The following PREX1 variants were observed in gnomAD, a reference collection of about 807,000 sequenced individuals.
PREX1 encodes phosphatidylinositol-3,4,5-trisphosphate dependent Rac exchange factor 1.
PREX1 carries 41 observed loss-of-function variants against 198.3 expected under a neutral mutation model. That is an observed-to-expected ratio of 0.21 (90% confidence interval 0.16 to 0.27). The LOEUF is 0.27. Ranked by LOEUF, PREX1 falls within the 10% of genes least tolerant of loss-of-function variation. The pLI, the probability that PREX1 is intolerant of heterozygous loss-of-function variation, is 1.00. For synonymous variants in PREX1, 843 were observed against 887.2 expected, an observed-to-expected ratio of 0.95 and a Z score of 0.89; for missense variants, 1,620 against 2,200.7, an observed-to-expected ratio of 0.74 and a Z score of 5.28.
chr20:48,670,559 AG>A (rs2089668773), intron 14 of PREX1, among the ~76,000 whole-genome samples: 1 of 152,190 alleles, frequency 6.6e-6, no homozygotes, highest in East Asian at 1.9e-4. Flanking sequence ...GAAATCACCC[AG>A]TGGAGAGGTG....
chr20:48,803,082 T>C (rs2090394773), intron 1 of PREX1, among the ~76,000 whole-genome samples: 1 of 152,200 alleles, frequency 6.6e-6, no homozygotes, highest in African/African-American at 2.4e-5. Context: ...GGAACTAGGT[T>C]TGCAGGTAGT....
the PREX1 span, among the ~76,000 whole-genome samples, chr20:48,833,988 G>A: frequency 9.9e-5 from 15 of 152,128 alleles, no homozygotes; most frequent in South Asian, 1.0e-3. Context: ...AAGCTGAGGC[G>A]GAGAATGGCG....
At chr20:48,698,535 G>A (rs946079953) in intron 7 of PREX1, among the ~76,000 whole-genome samples, 6 of 152,146 alleles carry the variant, frequency 3.9e-5, no homozygotes, top group Non-Finnish European at 8.8e-5. Flanking sequence ...GGAAAGAGAA[G>A]AAGGGGGCGT....
At chr20:48,771,167 G>A (rs2090233843) in intron 1 of PREX1, among the ~76,000 whole-genome samples, 1 of 151,806 alleles carries the variant, frequency 6.6e-6, no homozygotes, top group South Asian at 2.1e-4. Flanking sequence ...ATCACCGGTT[G>A]CACATAATTT....
chr20:48,862,669 AG>A, the PREX1 span, among the ~76,000 whole-genome samples: 1 of 151,538 alleles, frequency 6.6e-6, no homozygotes, highest in Non-Finnish European at 1.5e-5. Flanking sequence ...TAAAAATCAA[AG>A]CACACATTAA....
chr20:48,811,089 G>A (rs533750358), intron 1 of PREX1, among the ~76,000 whole-genome samples: 25 of 152,224 alleles, frequency 1.6e-4, no homozygotes, highest in African/African-American at 5.8e-4. Context: ...AGAAGAGCAA[G>A]TGACACATCT....
rs980567536 is a variant in PREX1 at position 48,723,545 on chromosome 20, C to G, written c.621+2745G>C. On this transcript the variant is annotated intron_variant, in intron 5 of 39. Transcript: ENST00000371941. ...GCTTGTTCTCTCCCAAACAGCACCC[C>G]CCACCCCACAATCTCCTACTTGATA... is the stretch of plus-strand genomic sequence containing the variant. Among the ~76,000 whole-genome samples the G allele has an allele frequency of 8.5e-5, 13 of 152,308 alleles. No individual in the cohort carries two copies. The South Asian group carries it at 2.3e-3, about 27-fold the overall frequency.
chr20:48,650,846 C>A, intron 23 of PREX1, 48 bp downstream of exon 23: 1 of 1,596,578 alleles, frequency 6.3e-7, no homozygotes, highest in Non-Finnish European at 8.5e-7. Flanking sequence ...GGCTGAGATG[C>A]TATGTCTGGG....
At chr20:48,835,256 A>G in the PREX1 span, among the ~76,000 whole-genome samples, 1 of 152,236 alleles carries the variant, frequency 6.6e-6, no homozygotes, top group Non-Finnish European at 1.5e-5. Context: ...TATCTCCAGT[A>G]TATGTTTTGG....
intron 10 of PREX1, among the ~76,000 whole-genome samples, chr20:48,683,330 C>A (rs1014636433): frequency 1.3e-5 from 2 of 152,220 alleles, no homozygotes; most frequent in Non-Finnish European, 2.9e-5. Context: ...CTCTGCCCTA[C>A]GTTTCTGCCC....
chr20:48,754,699 T>C (rs1241678561), intron 1 of PREX1, among the ~76,000 whole-genome samples: 1 of 34,366 alleles, frequency 2.9e-5, no homozygotes, highest in Non-Finnish European at 5.5e-5. Context: ...AGGGAAGCGA[T>C]GAGTGGGGGT....
intron 13 of PREX1, among the ~76,000 whole-genome samples, chr20:48,678,651 A>G (rs181403379): frequency 3.0e-4 from 46 of 152,268 alleles, no homozygotes; most frequent in Admixed American, 8.5e-4. Flanking sequence ...GTGGTAGTGA[A>G]TAAGTCTCAC....
chr20:48,636,191 C>T (rs2089361498), intron 32 of PREX1, among the ~76,000 whole-genome samples: 1 of 152,220 alleles, frequency 6.6e-6, no homozygotes, highest in Non-Finnish European at 1.5e-5. Flanking sequence ...GGCTGAGAGC[C>T]GCTGGTCTGT....
At chr20:48,758,557 G>A (rs1351777111) in intron 1 of PREX1, among the ~76,000 whole-genome samples, 5 of 152,164 alleles carry the variant, frequency 3.3e-5, no homozygotes, top group African/African-American at 1.2e-4. Flanking sequence ...ACACCAGGAC[G>A]GCCTCGCTGC....
upstream of PREX1, among the ~76,000 whole-genome samples, chr20:48,832,154 GATGATA>G (rs1235846418): frequency 2.0e-5 from 3 of 151,840 alleles, no homozygotes; most frequent in African/African-American, 7.3e-5. Context: ...AAAAAAAAGT[GATGATA>G]ATGATAGGGA....
chr20:48,709,816 C>T (rs1273824941), intron 5 of PREX1, among the ~76,000 whole-genome samples: 1 of 152,234 alleles, frequency 6.6e-6, no homozygotes, highest in Non-Finnish European at 1.5e-5. Context: ...CTGTGAGCAG[C>T]AATTTGCCAC....
chr20:48,829,169 A>G (rs192493426), upstream of PREX1, among the ~76,000 whole-genome samples: 145 of 152,218 alleles, frequency 9.5e-4, 1 homozygote, highest in African/African-American at 3.5e-3. Context: ...CAACACCTAG[A>G]AAGTTCTCTG....
rs1165848449 is a variant in PREX1 at position 48,625,701 on chromosome 20, G to A, written c.*184C>T. ...GGGCCGGCCCAGGGCCAATCAGCCA[G>A]CTCGTCATCACAGCGAGGGTGGCCA... is the stretch of plus-strand genomic sequence containing the variant. On this transcript the variant is annotated 3_prime_UTR_variant, in exon 40 of 40. Coordinates refer to ENST00000371941, the MANE Select transcript of PREX1 (RefSeq NM_020820.4). The A allele has an allele frequency of 5.7e-6, 4 of 705,016 alleles. No homozygotes were observed. The highest frequency in any genetic ancestry group is 7.5e-5 in the Admixed American group (2 of 26,564). The allele number at this position is 705,016 out of a possible 1,614,324, so 43.7% of individuals were successfully genotyped here.
chr20:48,692,574 AT>A, intron 8 of PREX1, 97 bp downstream of exon 8: 2 of 1,004,146 alleles, frequency 2.0e-6, no homozygotes, highest in East Asian at 5.3e-5. Flanking sequence ...ATTACATCTC[AT>A]GATAAAAGAA....
Sources: allele counts gnomAD v4.1 joint callset (sites outside exome capture counted in the v4.1 genomes callset), GRCh38; gene constraint gnomAD v4.1.1; transcripts MANE v1.5; gene names NCBI Gene and HGNC (gene_info 2026-07-23, HGNC 2026-07-21).